Variants in GTF3C2 observed in about 807,000 individuals in gnomAD.
GTF3C2 encodes general transcription factor IIIC subunit 2.
Under a neutral mutation model 117.4 loss-of-function variants are expected in GTF3C2, and 17 were observed. The observed-to-expected ratio is 0.14, with a 90% CI of 0.10 to 0.22. The LOEUF (loss-of-function observed/expected upper bound fraction) is 0.22, where lower values mean the gene tolerates loss of function less well. GTF3C2 is among the 10% of genes least tolerant of loss of function. The pLI is 1.00. For missense variants in GTF3C2, 888 were observed against 1,143.6 expected, an observed-to-expected ratio of 0.78 and a Z score of 3.22; for synonymous variants, 437 against 427.0, an observed-to-expected ratio of 1.02 and a Z score of -0.29.
intron 3 of GTF3C2, 151 bp downstream of exon 3, chr2:27,342,675 G>A (rs914990790): frequency 3.2e-5 from 20 of 628,400 alleles, no homozygotes; most frequent in South Asian, 7.8e-5. Flanking sequence ...ATAGTGCTGC[G>A]GTAAGAGCCT....
At position 27,329,658 on chromosome 2, in the gene GTF3C2, G is replaced by A; in HGVS notation, c.1733-135C>T. On this transcript the variant is annotated intron_variant, in intron 12 of 18. Transcript: ENST00000264720. The surrounding 1 kb of genome is among the most constrained non-coding windows in gnomAD (Gnocchi z 4.5). The stretch of plus-strand genomic sequence containing the variant: ...CACTATGAAAGGATGTGGGGATCCT[G>A]ATTAGCTATCCAACACTCCCTCCAG... 1.3e-6 allele frequency: 1 copy of A among 777,306 alleles called. No homozygotes were observed. Among genetic ancestry groups the A allele is most frequent in the Middle Eastern group, 3.8e-4 (1 of 2,640 alleles). 48.2% of individuals were successfully genotyped at this position (777,306 alleles called of 1,614,324 possible). A position where few individuals can be genotyped will look rare whatever the true frequency, so the allele number is the denominator to read the frequency against.
At chr2:27,328,073 G>A in exon 17 of GTF3C2, 1 of 1,610,966 alleles carries the variant, frequency 6.2e-7, no homozygotes, top group Non-Finnish European at 8.5e-7. Flanking sequence ...AGTGATGGTT[G>A]ACAGTTTCAG....
chr2:27,346,117 G>A (rs575705796), intron 1 of GTF3C2, among the ~76,000 whole-genome samples: 2 of 142,654 alleles, frequency 1.4e-5, no homozygotes, highest in Non-Finnish European at 3.0e-5. Flanking sequence ...TTGTCCTCCA[G>A]AGCTCAAGCA....
At chr2:27,336,667 G>A in intron 7 of GTF3C2, 1 of 459,964 alleles carries the variant, frequency 2.2e-6, no homozygotes, top group South Asian at 2.8e-5. Context: ...GAGTGCAGTG[G>A]CATGATCGAC....
chr2:27,350,008 AAAC>A (rs1361313769), intron 1 of GTF3C2, among the ~76,000 whole-genome samples: 4 of 152,358 alleles, frequency 2.6e-5, no homozygotes, highest in Middle Eastern at 6.8e-3. Flanking sequence ...AGGAACATTT[AAAC>A]ATCAAATAAC....
rs1356526254 is a variant in GTF3C2 at position 27,337,102 on chromosome 2, C to T, written c.1127+142G>A. 7.9e-6 allele frequency: 5 copies of T among 631,616 alleles called. No individual in the cohort carries two copies. The East Asian group carries it at 1.4e-4, about 17-fold the overall frequency. 39.1% of individuals were successfully genotyped at this position (631,616 alleles called of 1,614,324 possible). ...CTACAAATCAGAGAGGACTGACCAG[C>T]TCTAGTCAGCACTCTTATTCTTGGG... is the stretch of plus-strand genomic sequence containing the variant. On this transcript the variant is annotated intron_variant, in intron 7 of 18. Coordinates refer to ENST00000264720, the Ensembl canonical transcript of GTF3C2.
intron 1 of GTF3C2, among the ~76,000 whole-genome samples, chr2:27,352,937 T>G (rs1442688537): frequency 6.6e-6 from 1 of 152,226 alleles, no homozygotes; most frequent in Non-Finnish European, 1.5e-5. Flanking sequence ...CAAAATTCCC[T>G]CAATTTTTTA....
intron 7 of GTF3C2, 153 bp downstream of exon 7, chr2:27,337,091 G>A: frequency 3.2e-6 from 2 of 622,646 alleles, no homozygotes; most frequent in Non-Finnish European, 5.8e-6. Context: ...AAATCAGAGA[G>A]GACTGACCAG....
At chr2:27,335,449 C>G (rs1229934317) in intron 10 of GTF3C2, 149 bp downstream of exon 10, 1 of 715,050 alleles carries the variant, frequency 1.4e-6, no homozygotes, top group African/African-American at 1.7e-5. Flanking sequence ...CAAGAACAAA[C>G]CTGAGTCACA....
chr2:27,350,145 G>A (rs555155580), intron 1 of GTF3C2, among the ~76,000 whole-genome samples: 1 of 152,190 alleles, frequency 6.6e-6, no homozygotes, highest in Non-Finnish European at 1.5e-5. Flanking sequence ...TATTGGCTCA[G>A]TTGCATAGAA....
intron 12 of GTF3C2, 185 bp downstream of exon 12, chr2:27,333,470 C>A: frequency 1.8e-6 from 1 of 554,016 alleles, no homozygotes; most frequent in South Asian, 2.3e-5. Flanking sequence ...TCTATGTACT[C>A]TTAATTTTTT....
At chr2:27,336,214 A>T in exon 8 of GTF3C2, 1 of 1,613,508 alleles carries the variant, frequency 6.2e-7, no homozygotes, top group Non-Finnish European at 8.5e-7. Flanking sequence ...TCTTGCTGCA[A>T]GGTCCCAAGG....
intron 1 of GTF3C2, among the ~76,000 whole-genome samples, chr2:27,354,940 CAAT>C (rs1490588622): frequency 2.0e-5 from 3 of 152,200 alleles, no homozygotes; most frequent in African/African-American, 4.8e-5. Context: ...ATTAATTCAT[CAAT>C]AAATTATTTT....
intron 1 of GTF3C2, among the ~76,000 whole-genome samples, chr2:27,355,897 C>A (rs1204692177): frequency 6.6e-6 from 1 of 152,064 alleles, no homozygotes; most frequent in Non-Finnish European, 1.5e-5. Context: ...TATAAGTAGC[C>A]CATGAAACCC....
At chr2:27,327,910 G>T in intron 17 of GTF3C2, 127 bp downstream of exon 17, 2 of 687,476 alleles carry the variant, frequency 2.9e-6, no homozygotes, top group Non-Finnish European at 4.8e-6. Context: ...ACAGGCATGA[G>T]CCACTGCACC....
Position 27,342,513 on chromosome 2 carries a change from G to A in GTF3C2, c.570-280C>T, listed in dbSNP as rs957920945. 1.5e-5 allele frequency: 8 copies of A among 538,260 alleles called. No homozygotes were observed. In the Admixed American group the frequency reaches 1.6e-4, roughly 11 times the overall value. 33.3% of individuals were successfully genotyped at this position (538,260 alleles called of 1,614,324 possible). On this transcript the variant is annotated intron_variant, in intron 3 of 18. Coordinates refer to ENST00000264720, the Ensembl canonical transcript of GTF3C2. ...TCCTACCACAGTCAAAGAACACAGA[G>A]GGCAAGAGAAAGAATGGAACAGAAT...
At position 27,337,626 on chromosome 2, in the gene GTF3C2, C is replaced by A. The variant is rs1029050908; in HGVS notation, c.951-68G>T. ...CAGCCGCACAGTCCAATAAAACTTT[C>A]TGTGGGGATGGAAATGATCCATTAT... is the stretch of plus-strand genomic sequence containing the variant. On this transcript the variant is annotated intron_variant, in intron 5 of 18. Transcript: ENST00000264720. 2.5e-5 allele frequency: 27 copies of A among 1,065,636 alleles called. No individual in the cohort carries two copies. The African/African-American group carries it at 3.7e-4, about 15-fold the overall frequency. The allele number at this position is 1,065,636 out of a possible 1,614,324, so 66.0% of individuals were successfully genotyped here.
chr2:27,338,257 A>G, intron 4 of GTF3C2: 1 of 496,152 alleles, frequency 2.0e-6, no homozygotes, highest in Admixed American at 3.3e-5. Flanking sequence ...AGCTTCCTCA[A>G]CATCTCCATG....
At chr2:27,340,584 T>C (rs184312775) in intron 4 of GTF3C2, 2 of 151,984 alleles carry the variant, frequency 1.3e-5, no homozygotes, top group Admixed American at 1.3e-4. Flanking sequence ...CTTCCTTCAC[T>C]GCTTGATTTA....
Sources: gnomAD v4.1 joint callset for allele counts (sites outside exome capture counted in the v4.1 genomes callset) on GRCh38, gnomAD v4.1.1 for gene constraint, Gnocchi (gnomAD v3.1) non-coding constraint, MANE v1.5 for transcripts, NCBI Gene and HGNC (gene_info 2026-07-23, HGNC 2026-07-21) for gene names.